CADPS2: variants seen among roughly 807,000 people sequenced by gnomAD.
CADPS2 encodes calcium-dependent secretion activator 2.
CADPS2 carries 93 observed loss-of-function variants against 172.5 expected under a neutral mutation model. That is an observed-to-expected ratio of 0.54 (90% CI 0.46 to 0.64). The LOEUF (loss-of-function observed/expected upper bound fraction) is 0.64. CADPS2 is among the 30% of genes least tolerant of loss of function. CADPS2 has a pLI of 0.00. For synonymous variants in CADPS2, 546 were observed against 555.2 expected (o/e 0.98, Z 0.23); for missense variants, 1,420 against 1,565.9 (o/e 0.91, Z 1.57).
chr7:122,338,692 A>G (rs992314032), intron 28 of CADPS2, among the ~76,000 whole-genome samples: 19 of 152,338 alleles, frequency 1.2e-4, no homozygotes, highest in African/African-American at 4.6e-4. Flanking sequence ...CTATACAGTT[A>G]TTAAAAAGTG....
chr7:122,625,908 T>A (rs2076043948), intron 4 of CADPS2, among the ~76,000 whole-genome samples: 2 of 152,224 alleles, frequency 1.3e-5, no homozygotes. Flanking sequence ...AATACAGATA[T>A]AATCTCCTAT....
At chr7:122,782,615 A>G (rs955908054) in intron 1 of CADPS2, among the ~76,000 whole-genome samples, 2 of 152,074 alleles carry the variant, frequency 1.3e-5, no homozygotes, top group African/African-American at 4.8e-5. Flanking sequence ...TGTCTCAGCA[A>G]CAACAACAAC....
At chr7:122,792,267 C>T (rs753216739) in intron 1 of CADPS2, among the ~76,000 whole-genome samples, 50 of 152,214 alleles carry the variant, frequency 3.3e-4, no homozygotes, top group African/African-American at 1.0e-3. Flanking sequence ...CCCAAAGTGA[C>T]GGTATTTGGA....
chr7:122,724,234 T>C (rs991032225), intron 2 of CADPS2, among the ~76,000 whole-genome samples: 11 of 151,948 alleles, frequency 7.2e-5, no homozygotes, highest in Non-Finnish European at 1.3e-4. Flanking sequence ...TCTCTCCCAG[T>C]AGACTGTGGG....
intron 6 of CADPS2, among the ~76,000 whole-genome samples, chr7:122,589,034 T>C (rs1276866492): frequency 6.6e-6 from 1 of 152,022 alleles, no homozygotes. Flanking sequence ...CTCTTGCAGC[T>C]ATGTTTATGC....
intron 2 of CADPS2, among the ~76,000 whole-genome samples, chr7:122,677,880 T>G (rs2082551578): frequency 6.6e-6 from 1 of 152,208 alleles, no homozygotes; most frequent in Non-Finnish European, 1.5e-5. Flanking sequence ...AGAATGCTCC[T>G]GTTCACCTGT....
intron 27 of CADPS2, among the ~76,000 whole-genome samples, chr7:122,356,476 T>C (rs1032114345): frequency 2.6e-5 from 4 of 152,170 alleles, no homozygotes; most frequent in African/African-American, 9.7e-5. Flanking sequence ...AATTTCTCCA[T>C]TGGAAGTTTA....
At chr7:122,650,962 C>T (rs1287361705) in intron 3 of CADPS2, among the ~76,000 whole-genome samples, 1 of 151,992 alleles carries the variant, frequency 6.6e-6, no homozygotes, top group Non-Finnish European at 1.5e-5. Flanking sequence ...TCTAACTATT[C>T]TTAAGATCTT....
chr7:122,816,039 T>G (rs1801279942), intron 1 of CADPS2, among the ~76,000 whole-genome samples: 1 of 152,146 alleles, frequency 6.6e-6, no homozygotes. Context: ...AATTCCACTG[T>G]TTTAGTTATG....
rs180892564 is a variant in CADPS2 at position 122,484,066 on chromosome 7, C to T, written c.1853-3206G>A. Among the ~76,000 whole-genome samples, 7 of 152,158 alleles carry T rather than the reference C, an allele frequency of 4.6e-5. No homozygotes were observed. In the East Asian group the frequency reaches 1.2e-3, roughly 25 times the overall value. On this transcript the variant is annotated intron_variant, in intron 11 of 29. Coordinates refer to ENST00000449022, the MANE Select transcript of CADPS2 (RefSeq NM_017954.11). ...GACTGACCTATAGATTGAAGGCATT[C>T]CCAGTAAAATCTCCAGCAAGGAATG...
intron 1 of CADPS2, among the ~76,000 whole-genome samples, chr7:122,772,288 C>T (rs752723240): frequency 1.3e-5 from 2 of 152,112 alleles, no homozygotes; most frequent in Non-Finnish European, 2.9e-5. Flanking sequence ...TCTTCAAGAA[C>T]GGTTCATAGT....
intron 8 of CADPS2, among the ~76,000 whole-genome samples, chr7:122,518,006 T>A (rs2060504536): frequency 6.6e-6 from 1 of 151,992 alleles, no homozygotes; most frequent in Admixed American, 6.6e-5. Flanking sequence ...TTATGATTTT[T>A]TTTATGGTAT....
chr7:122,494,586 TAC>T (rs956702883), intron 9 of CADPS2, among the ~76,000 whole-genome samples: 3 of 151,514 alleles, frequency 2.0e-5, no homozygotes, highest in Non-Finnish European at 4.4e-5. Context: ...TTAAAATATT[TAC>T]AGTGATTATT....
intron 2 of CADPS2, among the ~76,000 whole-genome samples, chr7:122,683,820 G>C (rs1372559862): frequency 2.0e-5 from 3 of 151,788 alleles, no homozygotes; most frequent in Non-Finnish European, 4.4e-5. Context: ...AAGTCTACAT[G>C]GGTTTCCTCC....
intron 1 of CADPS2, among the ~76,000 whole-genome samples, chr7:122,786,165 T>G (rs1480352721): frequency 6.6e-6 from 1 of 152,236 alleles, no homozygotes; most frequent in African/African-American, 2.4e-5. Flanking sequence ...ATTTTCTTAT[T>G]TCTGGTCTTT....
intron 7 of CADPS2, among the ~76,000 whole-genome samples, chr7:122,569,979 C>T (rs1293485669): frequency 2.0e-5 from 3 of 149,252 alleles, no homozygotes; most frequent in East Asian, 2.0e-4. Flanking sequence ...TGGGCAAGGA[C>T]TTCATGTCTA....
At chr7:122,809,736 C>G (rs1333147763) in intron 1 of CADPS2, among the ~76,000 whole-genome samples, 1 of 152,160 alleles carries the variant, frequency 6.6e-6, no homozygotes, top group Non-Finnish European at 1.5e-5. Flanking sequence ...AATGTCTCCT[C>G]CTGTCTTGTT....
rs1203165099 is a variant in CADPS2 at position 122,480,809 on chromosome 7, A to T, written c.1861+43T>A. The T allele has an allele frequency of 7.9e-6, 11 of 1,393,248 alleles. No homozygotes were observed. The East Asian group carries it at 1.5e-4, about 19-fold the overall frequency. The allele number at this position is 1,393,248 out of a possible 1,614,324, so 86.3% of individuals were successfully genotyped here. A position where few individuals can be genotyped will look rare whatever the true frequency, so the allele number is the denominator to read the frequency against. ...TTCCTCAAACATAGTATCATTAAAA[A>T]TTTTTTAAAACATCTAATTTTAAAA... On this transcript the variant is annotated intron_variant, in intron 12 of 29. Transcript: ENST00000449022.
At chr7:122,868,708 C>A (rs1221980176) in intron 1 of CADPS2, among the ~76,000 whole-genome samples, 1 of 152,122 alleles carries the variant, frequency 6.6e-6, no homozygotes, top group Non-Finnish European at 1.5e-5. Context: ...AATAAAAGAA[C>A]AAGATACATC....
Sources: gnomAD v4.1 joint callset for allele counts (sites outside exome capture counted in the v4.1 genomes callset) on GRCh38, gnomAD v4.1.1 for gene constraint, MANE v1.5 for transcripts, NCBI Gene and HGNC (gene_info 2026-07-23, HGNC 2026-07-21) for gene names.